Variants in RP1 observed in about 807,000 individuals in gnomAD.
The protein encoded by RP1 is oxygen-regulated protein 1.
RP1 carries 16 observed loss-of-function variants against 14.8 expected under a neutral mutation model. That is an observed-to-expected ratio of 1.08 (90% CI 0.73 to 1.65). The LOEUF (loss-of-function observed/expected upper bound fraction) is 1.65, where lower values mean the gene tolerates loss of function less well. Among genes scored for constraint, RP1 ranks in the 40% most tolerant of loss-of-function variants. The pLI, the probability that RP1 is intolerant of heterozygous loss-of-function variation, is 0.00. For missense variants in RP1, 2,631 were observed against 2,535.0 expected (o/e 1.04, Z -0.81); for synonymous variants, 876 against 883.6 (o/e 0.99, Z 0.15).
rs2129314006 is a variant in RP1 at position 54,620,888 on chromosome 8, T to C, written c.-12-67T>C. The C allele has an allele frequency of 2.2e-5, 30 of 1,383,168 alleles. 1 individual carries two copies. The South Asian group carries it at 3.2e-4, about 15-fold the overall frequency. The allele number at this position is 1,383,168 out of a possible 1,614,324, so 85.7% of individuals were successfully genotyped here. ...TGGATGTCTGCAGCTATATTTAGCATGCATTAGTATTACCATGTATTCGCT... is the reference window on the plus strand; with the variant it reads ...TGGATGTCTGCAGCTATATTTAGCACGCATTAGTATTACCATGTATTCGCT... On this transcript the variant is annotated intron_variant, in intron 1 of 3. Transcript: ENST00000220676.
At chr8:54,614,016 G>A (rs1030144939), upstream of RP1, among the ~76,000 whole-genome samples, 7 of 152,194 alleles carry the variant, frequency 4.6e-5, no homozygotes, top group Admixed American at 3.9e-4. Flanking sequence ...ATGACATTCA[G>A]ACACTGTGTC....
At chr8:54,727,798 C>T (rs1472098216) in intron 17 of RP1, among the ~76,000 whole-genome samples, 1 of 151,708 alleles carries the variant, frequency 6.6e-6, no homozygotes, top group Non-Finnish European at 1.5e-5. Flanking sequence ...ATTAAACAAT[C>T]ACACAAAAAT....
chr8:54,634,847 C>T (rs1806317166), downstream of RP1, among the ~76,000 whole-genome samples: 1 of 152,032 alleles, frequency 6.6e-6, no homozygotes, highest in African/African-American at 2.4e-5. Flanking sequence ...TTTGGGAGGC[C>T]AAGGTGGGCG....
chr8:54,621,438 G>A lies in RP1; in HGVS notation c.472G>A (p.Val158Ile). ...GCCCCGCCCCCCACGGAGCCTAGTG[G>A]TCTTCAGGAATGGCGACCCGAAGAC... is the stretch of plus-strand genomic sequence containing the variant. ...GMPRPPRSLV[V>I]FRNGDPKTRR... The change falls in exon 2 of 4, where the codon GTC becomes ATC. Residue 158 changes from valine (V) to isoleucine (I), a missense_variant. Val to Ile is a conservative substitution (Grantham distance 29). Coordinates refer to ENST00000220676, the MANE Select transcript of RP1 (RefSeq NM_006269.2). 1 of 1,613,854 alleles carries A rather than the reference G, an allele frequency of 6.2e-7. No individual in the cohort carries two copies. The highest frequency in any genetic ancestry group is 8.5e-7 in the Non-Finnish European group (1 of 1,180,038).
At chr8:54,774,847 T>C (rs1431298455), downstream of RP1, among the ~76,000 whole-genome samples, 1 of 152,206 alleles carries the variant, frequency 6.6e-6, no homozygotes, top group Non-Finnish European at 1.5e-5. Flanking sequence ...TTTGTGTTTA[T>C]AAATAATTTA....
chr8:54,802,653 CTA>C (rs1261757445), intron 24 of RP1, among the ~76,000 whole-genome samples: 1 of 152,166 alleles, frequency 6.6e-6, no homozygotes, highest in Non-Finnish European at 1.5e-5. Flanking sequence ...GCAAGTATTT[CTA>C]TGATACACAC....
At chr8:54,587,080 C>T (rs971903164) in intron 1 of RP1, among the ~76,000 whole-genome samples, 5 of 152,192 alleles carry the variant, frequency 3.3e-5, no homozygotes, top group African/African-American at 7.2e-5. Context: ...CCATCTTCTG[C>T]GTTGCTCATG....
intron 19 of RP1, among the ~76,000 whole-genome samples, chr8:54,750,886 T>C (rs750825625): frequency 6.6e-6 from 1 of 152,184 alleles, no homozygotes; most frequent in Non-Finnish European, 1.5e-5. Context: ...AAGGGCATTC[T>C]GATAGGACAG....
At chr8:54,854,991 G>A (rs1041940685) in intron 26 of RP1, among the ~76,000 whole-genome samples, 3 of 152,152 alleles carry the variant, frequency 2.0e-5, no homozygotes, top group African/African-American at 7.2e-5. Context: ...TATTGTGTAA[G>A]CATGACTACC....
chr8:54,857,101 G>A (rs1432007081), exon 27 of RP1: 37 of 1,214,246 alleles, frequency 3.0e-5, no homozygotes, highest in Non-Finnish European at 3.8e-5. Flanking sequence ...GATGGAACAG[G>A]TCCAGGTAAG....
intron 19 of RP1, among the ~76,000 whole-genome samples, chr8:54,748,293 G>A (rs112359345): frequency 2.5e-4 from 38 of 152,126 alleles, no homozygotes; most frequent in Non-Finnish European, 4.1e-4. Flanking sequence ...TCTGAAATGC[G>A]GTAAGAAAAA....
chr8:54,777,987 T>C, intron 23 of RP1, among the ~76,000 whole-genome samples: 1 of 152,212 alleles, frequency 6.6e-6, no homozygotes, highest in Middle Eastern at 3.2e-3. Context: ...TGTGCTGAAA[T>C]AATCTTAATA....
intron 24 of RP1, among the ~76,000 whole-genome samples, chr8:54,799,032 C>T (rs1473000222): frequency 6.6e-6 from 1 of 151,684 alleles, no homozygotes; most frequent in African/African-American, 2.4e-5. Context: ...CTTTTTCCTA[C>T]AGCATAATAT....
intron 24 of RP1, among the ~76,000 whole-genome samples, chr8:54,829,067 A>G (rs1811459113): frequency 1.3e-5 from 2 of 151,402 alleles, no homozygotes; most frequent in South Asian, 4.2e-4. Context: ...TAATTTTTGT[A>G]TTTTTAGTAG....
At chr8:54,781,029 CT>C in intron 23 of RP1, 1 of 984,304 alleles carries the variant, frequency 1.0e-6, no homozygotes, top group South Asian at 4.7e-5. Context: ...ATCCAAACTA[CT>C]TTAAAAGTAT....
chr8:54,739,630 T>C (rs1002909445), intron 19 of RP1, among the ~76,000 whole-genome samples: 1 of 152,128 alleles, frequency 6.6e-6, no homozygotes, highest in African/African-American at 2.4e-5. Flanking sequence ...GTGGTGCATT[T>C]TTTTTTCATA....
rs564249582 is a variant in RP1 at position 54,586,765 on chromosome 8, T to A, written c.-13+27445T>A. On this transcript the variant is annotated intron_variant, in intron 1 of 22. Transcript: ENST00000636932. Reference sequence around the variant, plus strand: ...CAGACTGCTGTGCTAGCAATGAGCATGGCTCCGTGGGCATAGGACCCTCCA... The same window carrying A: ...CAGACTGCTGTGCTAGCAATGAGCAAGGCTCCGTGGGCATAGGACCCTCCA... 5.2e-3 allele frequency among the ~76,000 whole-genome samples: 798 copies of A among 152,286 alleles called. 8 individuals are homozygous for A. The highest frequency in any genetic ancestry group is 3.5e-3 in the Non-Finnish European group (238 of 68,016).
intron 1 of RP1, among the ~76,000 whole-genome samples, chr8:54,607,138 A>G (rs529851268): frequency 5.3e-4 from 81 of 152,072 alleles, no homozygotes; most frequent in African/African-American, 1.8e-3. Flanking sequence ...TAGAGTTTCC[A>G]GTTTTTCTGC....
intron 9 of RP1, chr8:54,679,387 C>G: frequency 6.6e-7 from 1 of 1,506,294 alleles, no homozygotes; most frequent in Non-Finnish European, 8.9e-7. Context: ...AATATAAAGT[C>G]TGAAAATAAT....
Sources: gnomAD v4.1 joint callset for allele counts (sites outside exome capture counted in the v4.1 genomes callset) on GRCh38, gnomAD v4.1.1 for gene constraint, MANE v1.5 for transcripts, NCBI Gene and HGNC (gene_info 2026-07-23, HGNC 2026-07-21) for gene names.